The following DYNC2H1 variants were observed in gnomAD, a reference collection of about 807,000 sequenced individuals.
The protein encoded by DYNC2H1 is dynein cytoplasmic 2 heavy chain 1.
A neutral mutation model predicts 570.0 loss-of-function variants in DYNC2H1; 410 were observed. That is an observed-to-expected ratio of 0.72 (90% CI 0.66 to 0.78). The LOEUF is 0.78. Among genes scored for constraint, DYNC2H1 ranks in the 30% least tolerant of loss-of-function variants. DYNC2H1 has a pLI of 0.00. For missense variants in DYNC2H1, 4,865 were observed against 5,046.4 expected (o/e 0.96, Z 1.09); for synonymous variants, 1,688 against 1,677.6 (o/e 1.01, Z -0.15).
intron 75 of DYNC2H1, among the ~76,000 whole-genome samples, chr11:103,287,932 T>G (rs1866415376): frequency 6.6e-6 from 1 of 152,024 alleles, no homozygotes; most frequent in African/African-American, 2.4e-5. Context: ...CTCAAATCAG[T>G]CTCCCTGAGC....
intron 63 of DYNC2H1, among the ~76,000 whole-genome samples, chr11:103,238,977 G>A (rs1416221840): frequency 1.3e-5 from 2 of 152,092 alleles, no homozygotes; most frequent in African/African-American, 4.8e-5. Context: ...ACAGTGTCCT[G>A]GTTTGGGTGA....
intron 15 of DYNC2H1, among the ~76,000 whole-genome samples, chr11:103,134,630 A>C (rs973522291): frequency 1.3e-5 from 2 of 152,156 alleles, no homozygotes; most frequent in Admixed American, 1.3e-4. Context: ...AAGTTCCTGT[A>C]GTGTCTTATG....
At chr11:103,171,198 A>AT (rs1377412364) in intron 34 of DYNC2H1, 130 bp downstream of exon 34, 12 of 868,130 alleles carry the variant, frequency 1.4e-5, no homozygotes, top group East Asian at 9.6e-5. Context: ...GTGTTGTAAG[A>AT]TTTTTTTAGC....
In DYNC2H1 at chr11:103,299,556, T is replaced by A. The variant is rs964274813; in HGVS notation, c.11096-3537T>A. Among the ~76,000 whole-genome samples the A allele has an allele frequency of 2.6e-5, 4 of 152,146 alleles. No individual in the cohort carries two copies. The highest frequency in any genetic ancestry group is 5.9e-5 in the Non-Finnish European group (4 of 68,002). On this transcript the variant is annotated intron_variant, in intron 75 of 88. Coordinates refer to ENST00000375735, the MANE Select transcript of DYNC2H1 (RefSeq NM_001377.3). This position sits in a 1 kb window ranked among gnomAD's most constrained non-coding sequence, Gnocchi z 4.5. ...CTCAGCTTTTGGATGCCAGTTGGTA[T>A]CTAGCCTTCCTCCATCCTTAAAGCC...
At position 103,270,691 on chromosome 11, in the gene DYNC2H1, C is replaced by T. The variant is rs1252167457; in HGVS notation, c.10696-9657C>T. 2.0e-5 allele frequency among the ~76,000 whole-genome samples: 3 copies of T among 151,958 alleles called. No homozygotes were observed. In the East Asian group the frequency reaches 5.8e-4, roughly 29 times the overall value. On this transcript the variant is annotated intron_variant, in intron 70 of 88. Transcript: ENST00000375735. Reference sequence around the variant, plus strand: ...TACTAAGTGATTAACGGACAGGTAGCATATATGGCATGGATCTGCTGGACA... The same window carrying T: ...TACTAAGTGATTAACGGACAGGTAGTATATATGGCATGGATCTGCTGGACA...
rs767284242 is a variant in DYNC2H1, at chr11:103,311,988, A to G, written c.11604A>G (p.Ala3868=). 9.9e-6 allele frequency: 16 copies of G among 1,613,436 alleles called. No homozygotes were observed. Among genetic ancestry groups the G allele is most frequent in the African/African-American group, 1.3e-5 (1 of 74,914 alleles). Residue 3868 remains alanine (A), a synonymous_variant, in exon 79 of 89, where the codon GCA becomes GCG. Coordinates refer to ENST00000375735, the MANE Select transcript of DYNC2H1 (RefSeq NM_001377.3). ...GAGCTCATGCTCTCTTCAGTCTTGC[A>G]TGGTTTCATGCTGCATGTCAAGAAA... ...THRAHALFSL[A]WFHAACQERR...
chr11:103,302,083 T>C (rs796770894), intron 75 of DYNC2H1, among the ~76,000 whole-genome samples: 7 of 152,142 alleles, frequency 4.6e-5, no homozygotes, highest in African/African-American at 1.7e-4. Context: ...GCAGAAGAGA[T>C]TTAAATATAA....
intron 5 of DYNC2H1, among the ~76,000 whole-genome samples, chr11:103,117,397 G>GTATAT (rs1858465600): frequency 6.6e-6 from 1 of 151,270 alleles, no homozygotes; most frequent in Non-Finnish European, 1.5e-5. Context: ...TACTTAAAAG[G>GTATAT]TGTAATGGTA....
intron 63 of DYNC2H1, 55 bp downstream of exon 63, chr11:103,236,594 G>A: frequency 2.1e-6 from 2 of 959,624 alleles, no homozygotes; most frequent in South Asian, 3.2e-5. Flanking sequence ...CAAGCTTGCT[G>A]TAGAAATTGT....
rs1303834349 is a variant in DYNC2H1 at position 103,169,389 on chromosome 11, A to G, written c.4968+429A>G. Among the ~76,000 whole-genome samples the G allele has an allele frequency of 3.3e-5, 5 of 152,318 alleles. No homozygotes were observed. The South Asian group carries it at 8.3e-4, about 25-fold the overall frequency. ...TGTAAGATGAAAAAATTTTCAGACA[A>G]ATAACCTAGTTAATGTAAACATGTT... On this transcript the variant is annotated intron_variant, in intron 32 of 88. Transcript: ENST00000375735.
intron 20 of DYNC2H1, 134 bp downstream of exon 20, chr11:103,148,751 C>T (rs1282863099): frequency 8.6e-7 from 1 of 1,164,248 alleles, no homozygotes; most frequent in Non-Finnish European, 1.2e-6. Flanking sequence ...GTCTGGCTTA[C>T]CTGGTTAGCT....
Position 103,245,192 on chromosome 11 carries a change from A to C in DYNC2H1, c.9919-59A>C. On this transcript the variant is annotated intron_variant, in intron 64 of 88. Transcript: ENST00000375735. The surrounding 1 kb of genome is among the most constrained non-coding windows in gnomAD (Gnocchi z 4.5). ...ATTACTGTAGAAAATCAAAGAAAGGATGTTTGTAAATATTAAAGTAATTAA... is the reference window on the plus strand; with the variant it reads ...ATTACTGTAGAAAATCAAAGAAAGGCTGTTTGTAAATATTAAAGTAATTAA... 1 of 1,323,000 alleles carries C rather than the reference A, an allele frequency of 7.6e-7. No homozygotes were observed. The highest frequency in any genetic ancestry group is 1.5e-5 in the African/African-American group (1 of 66,426). 82.0% of individuals were successfully genotyped at this position (1,323,000 alleles called of 1,614,324 possible).
Position 103,163,265 on chromosome 11 carries a change from G to T in DYNC2H1, c.4611+118G>T. 1 of 1,224,412 alleles carries T rather than the reference G, an allele frequency of 8.2e-7. No individual in the cohort carries two copies. Among genetic ancestry groups the T allele is most frequent in the African/African-American group, 1.5e-5 (1 of 65,616 alleles). The allele number at this position is 1,224,412 out of a possible 1,614,324, so 75.8% of individuals were successfully genotyped here. Reference sequence around the variant, plus strand: ...TTTCTCCCTTTATCTAACAGTTAACGGACAAATTGCTTAACTTCTGAGTCT... The same window carrying T: ...TTTCTCCCTTTATCTAACAGTTAACTGACAAATTGCTTAACTTCTGAGTCT... On this transcript the variant is annotated intron_variant, in intron 30 of 88. Coordinates refer to ENST00000375735, the MANE Select transcript of DYNC2H1 (RefSeq NM_001377.3). The surrounding 1 kb of genome is among the most constrained non-coding windows in gnomAD (Gnocchi z 4.6).
intron 87 of DYNC2H1, among the ~76,000 whole-genome samples, chr11:103,458,604 T>A (rs1050028011): frequency 6.6e-6 from 1 of 151,354 alleles, no homozygotes; most frequent in African/African-American, 2.4e-5. Flanking sequence ...GTTAACAGTT[T>A]AAAAAAAAAG....
intron 83 of DYNC2H1, among the ~76,000 whole-genome samples, chr11:103,371,659 T>G (rs1941150916): frequency 6.6e-6 from 1 of 152,134 alleles, no homozygotes; most frequent in South Asian, 2.1e-4. Context: ...TTTAAAGTAC[T>G]GAATGAAAAA....
intron 85 of DYNC2H1, among the ~76,000 whole-genome samples, chr11:103,451,356 T>C (rs11225807): frequency 8.4e-6 from 1 of 119,540 alleles, no homozygotes; most frequent in African/African-American, 3.4e-5. Context: ...TTTTTTGAGA[T>C]GGAGTCTTGC....
intron 82 of DYNC2H1, among the ~76,000 whole-genome samples, chr11:103,355,561 G>A (rs539334466): frequency 6.6e-6 from 1 of 152,252 alleles, no homozygotes; most frequent in African/African-American, 2.4e-5. Context: ...ATACAATTAT[G>A]TATAAGATTT....
intron 34 of DYNC2H1, among the ~76,000 whole-genome samples, chr11:103,172,875 T>G (rs1345278902): frequency 2.0e-5 from 3 of 151,690 alleles, no homozygotes; most frequent in Admixed American, 6.6e-5. Flanking sequence ...CTTAAGGAAT[T>G]TATCATATAT....
chr11:103,451,963 CTTT>C (rs959159166), intron 85 of DYNC2H1, among the ~76,000 whole-genome samples: 1 of 151,652 alleles, frequency 6.6e-6, no homozygotes, highest in Non-Finnish European at 1.5e-5. Context: ...GCCTATATTT[CTTT>C]TATCTTTTTA....
Sources: allele counts gnomAD v4.1 joint callset (sites outside exome capture counted in the v4.1 genomes callset), GRCh38; gene constraint gnomAD v4.1.1; non-coding constraint Gnocchi (gnomAD v3.1); transcripts MANE v1.5; gene names NCBI Gene and HGNC (gene_info 2026-07-23, HGNC 2026-07-21).